Variants in ADAMTS7 observed in about 807,000 individuals in gnomAD.
ADAMTS7 encodes ADAM metallopeptidase with thrombospondin type 1 motif 7.
ADAMTS7 carries 89 observed loss-of-function variants against 172.6 expected under a neutral mutation model. The observed-to-expected ratio is 0.52, with a 90% confidence interval of 0.43 to 0.61. The LOEUF (loss-of-function observed/expected upper bound fraction) is 0.61. Among genes scored for constraint, ADAMTS7 ranks in the 20% least tolerant of loss-of-function variants. ADAMTS7 has a pLI of 0.00. For missense variants in ADAMTS7, 1,973 were observed against 2,355.6 expected, an observed-to-expected ratio of 0.84 and a Z score of 3.36; for synonymous variants, 885 against 978.4, an observed-to-expected ratio of 0.90 and a Z score of 1.78.
intron 4 of ADAMTS7, among the ~76,000 whole-genome samples, chr15:78,795,887 C>A (rs893697545): frequency 6.6e-6 from 1 of 152,164 alleles, no homozygotes; most frequent in Admixed American, 6.5e-5. Flanking sequence ...AGCCACAGTG[C>A]CCCCGGTGGG....
intron 20 of ADAMTS7, among the ~76,000 whole-genome samples, chr15:78,764,327 G>C (rs910934134): frequency 6.6e-6 from 1 of 152,260 alleles, no homozygotes; most frequent in Non-Finnish European, 1.5e-5. Flanking sequence ...AAGGCAAGCT[G>C]GTGAAAGACA....
chr15:78,782,808 G>A (rs1222358974), intron 8 of ADAMTS7, among the ~76,000 whole-genome samples: 3 of 152,030 alleles, frequency 2.0e-5, no homozygotes, highest in Non-Finnish European at 4.4e-5. Context: ...AGGGCTGAAA[G>A]TCTGTAAGAA....
At chr15:78,770,189 T>TAAAATAAAATAAAATAGC (rs1567211230) in intron 16 of ADAMTS7, among the ~76,000 whole-genome samples, 1 of 150,616 alleles carries the variant, frequency 6.6e-6, no homozygotes, top group African/African-American at 2.4e-5. Context: ...ATAAAATAAA[T>TAAAATAAAATAAAATAGC]AAAATAAAAT....
rs1422765691 is a variant in ADAMTS7 at position 78,796,641 on chromosome 15, C to T, written c.768G>A (p.Glu256=). 3.1e-6 allele frequency: 5 copies of T among 1,614,112 alleles called. No individual in the cohort carries two copies. The highest frequency in any genetic ancestry group is 3.4e-6 in the Non-Finnish European group (4 of 1,180,006). ...TLVVADAKMV[E]YHGQPQVESY... is the part of the protein sequence containing the mutation. ...TCTCAACCTGCGGCTGTCCGTGGTA[C>T]TCCACCATTTTGGCATCAGCTACTA... Residue 256 remains glutamate (E), a synonymous_variant, in exon 4 of 24, where the codon GAG becomes GAA. Transcript: ENST00000388820.
chr15:78,776,599 C>T, intron 10 of ADAMTS7, 150 bp downstream of exon 10: 1 of 920,942 alleles, frequency 1.1e-6, no homozygotes, highest in Non-Finnish European at 1.6e-6. Context: ...AATGCCTCCA[C>T]TTTGCAGATG....
At chr15:78,808,188 T>C (rs2055821018) in intron 1 of ADAMTS7, among the ~76,000 whole-genome samples, 1 of 152,136 alleles carries the variant, frequency 6.6e-6, no homozygotes, top group Non-Finnish European at 1.5e-5. Context: ...AATAAAAGAA[T>C]AGACTTACAG....
chr15:78,806,649 CAG>C (rs2055801678), intron 1 of ADAMTS7, among the ~76,000 whole-genome samples: 1 of 152,126 alleles, frequency 6.6e-6, no homozygotes, highest in South Asian at 2.1e-4. Context: ...ACGAAAATGA[CAG>C]AGATAGGGAA....
In ADAMTS7 at chr15:78,763,762, G is replaced by A; in HGVS notation, c.4677C>T (p.Pro1559=). ...GGGTGTTGCAGGGCCGGGTGGTGTT[G>A]GGTCTCAGCGCCTCCTCGCAGAGGC... ...EPGLCEEALR[P]NTTRPCNTHP... Residue 1559 remains proline (P), a synonymous_variant, in exon 22 of 24, where the codon CCC becomes CCT. Transcript: ENST00000388820. 1 of 1,598,152 alleles carries A rather than the reference G, an allele frequency of 6.3e-7. No individual in the cohort carries two copies. Among genetic ancestry groups the A allele is most frequent in the Non-Finnish European group, 8.5e-7 (1 of 1,174,910 alleles).
intron 8 of ADAMTS7, among the ~76,000 whole-genome samples, chr15:78,784,342 G>A (rs2055471767): frequency 7.6e-6 from 1 of 131,064 alleles, no homozygotes; most frequent in South Asian, 2.7e-4. Context: ...TCCAGCCTGG[G>A]CAACAAAGCG....
chr15:78,790,523 G>C (rs2055563642), intron 6 of ADAMTS7, 147 bp downstream of exon 6: 1 of 1,018,342 alleles, frequency 9.8e-7, no homozygotes, highest in Non-Finnish European at 1.4e-6. Context: ...AGTGCGGACA[G>C]AATCCAGCCT....
chr15:78,762,874 C>T (rs909035577), intron 22 of ADAMTS7, among the ~76,000 whole-genome samples: 2 of 152,202 alleles, frequency 1.3e-5, no homozygotes, highest in African/African-American at 4.8e-5. Context: ...TGGGCAGGGG[C>T]GCCGGGATGG....
Position 78,788,364 on chromosome 15 carries a change from G to C in ADAMTS7, c.1189C>G (p.Gln397Glu). Residue 397 changes from glutamine (Q) to glutamate (E), a missense_variant, in exon 8 of 24, where the codon CAG becomes GAG. By Grantham distance (29) the Gln-to-Glu change is conservative. Around this residue, in one of 8 missense-constraint regions of ADAMTS7, gnomAD observed 526 missense variants for 662.9 expected, o/e 0.79. Coordinates refer to ENST00000388820, the MANE Select transcript of ADAMTS7 (RefSeq NM_014272.5). The stretch of plus-strand genomic sequence containing the variant: ...CAGTCATTGCCGCTTCCGTCATGCT[G>C]AATGCCAAAACTGTGTGAGAGCACA... ...AHELGHSFGIQHDGSGNDCEP... is the reference protein window; with the variant it reads ...AHELGHSFGIEHDGSGNDCEP... The C allele has an allele frequency of 6.2e-7, 1 of 1,612,814 alleles. No homozygotes were observed. The highest frequency in any genetic ancestry group is 8.5e-7 in the Non-Finnish European group (1 of 1,179,958).
At chr15:78,803,704 C>CA (rs1219070716) in intron 1 of ADAMTS7, among the ~76,000 whole-genome samples, 2 of 152,240 alleles carry the variant, frequency 1.3e-5, no homozygotes, top group African/African-American at 4.8e-5. Flanking sequence ...CCACTCACCT[C>CA]AGACTCCAAA....
chr15:78,798,064 T>C lies in ADAMTS7; in HGVS notation c.506A>G (p.Asp169Gly). Reference protein sequence around the residue: ...SNEDYFIEPLDSAPARPGHAQ... With the variant: ...SNEDYFIEPLGSAPARPGHAQ... The stretch of plus-strand genomic sequence containing the variant: ...GTGGCCAGGCCGGGCCGGGGCACTG[T>C]CCAGGGGCTCAATGAAGTAGTCCTC... The change falls in exon 3 of 24, where the codon GAC becomes GGC. Residue 169 changes from aspartate to glycine, a missense_variant. By Grantham distance (94) the Asp-to-Gly change is moderately conservative. Coordinates refer to ENST00000388820, the MANE Select transcript of ADAMTS7 (RefSeq NM_014272.5). 1 of 1,567,906 alleles carries C rather than the reference T, an allele frequency of 6.4e-7. No homozygotes were observed. Among genetic ancestry groups the C allele is most frequent in the Non-Finnish European group, 8.6e-7 (1 of 1,164,470 alleles).
At chr15:78,805,458 A>C (rs543496654) in intron 1 of ADAMTS7, among the ~76,000 whole-genome samples, 2 of 152,322 alleles carry the variant, frequency 1.3e-5, no homozygotes, top group African/African-American at 4.8e-5. Context: ...TGGAGCAGTG[A>C]GTTCCCTTTA....
rs747239450 is a variant in ADAMTS7, at chr15:78,766,542, C to T, written c.3369G>A (p.Gly1123=). 10 of 1,597,746 alleles carry T rather than the reference C, an allele frequency of 6.3e-6. No individual in the cohort carries two copies. The Admixed American group carries it at 6.8e-5, about 11-fold the overall frequency. The change falls in exon 19 of 24, where the codon GGG becomes GGA. Residue 1123 remains glycine (G), a synonymous_variant. Coordinates refer to ENST00000388820, the MANE Select transcript of ADAMTS7 (RefSeq NM_014272.5). Reference sequence around the variant, plus strand: ...GGCTCGGGGACCAAGGTCCCAGTACCCCCTCCTCCTTGGCTGCAGGAGGCT... The same window carrying T: ...GGCTCGGGGACCAAGGTCCCAGTACTCCCTCCTCCTTGGCTGCAGGAGGCT... ...ATEPPAAKEE[G]VLGPWSPSPW...
intron 20 of ADAMTS7, 105 bp downstream of exon 20, chr15:78,764,450 C>A: frequency 7.2e-7 from 1 of 1,394,316 alleles, no homozygotes; most frequent in South Asian, 1.4e-5. Context: ...AGATGTGCAG[C>A]CTGGGGCCCT....
At chr15:78,777,616 G>T in intron 8 of ADAMTS7, 28 bp from the exon 9 acceptor site, 1 of 1,588,792 alleles carries the variant, frequency 6.3e-7, no homozygotes. Flanking sequence ...GGATGGAGGG[G>T]GGCGCAGCCT....
intron 16 of ADAMTS7, 107 bp from the exon 17 acceptor site, chr15:78,768,366 C>G: frequency 6.6e-7 from 1 of 1,505,908 alleles, no homozygotes; most frequent in Non-Finnish European, 9.0e-7. Flanking sequence ...CCTTACTGCC[C>G]GTGTCAGGAT....
Sources: allele counts gnomAD v4.1 joint callset (sites outside exome capture counted in the v4.1 genomes callset), GRCh38; gene constraint gnomAD v4.1.1; regional missense constraint gnomAD v4.1.1; transcripts MANE v1.5; gene names NCBI Gene and HGNC (gene_info 2026-07-23, HGNC 2026-07-21).